OSMR: variants seen among roughly 807,000 people sequenced by gnomAD.
OSMR encodes oncostatin-M-specific receptor subunit beta.
OSMR carries 81 observed loss-of-function variants against 99.9 expected under a neutral mutation model. That is an observed-to-expected ratio of 0.81 (90% CI 0.68 to 0.97). The LOEUF (loss-of-function observed/expected upper bound fraction) is 0.97, where lower values mean the gene tolerates loss of function less well. Among genes scored for constraint, OSMR ranks in the 50% least tolerant of loss-of-function variants. The pLI, the probability that OSMR is intolerant of heterozygous loss-of-function variation, is 0.00. For missense variants in OSMR, 1,099 were observed against 1,153.4 expected, an observed-to-expected ratio of 0.95 and a Z score of 0.68; for synonymous variants, 406 against 410.4, an observed-to-expected ratio of 0.99 and a Z score of 0.13.
chr5:38,853,337 C>T (rs1740582385), intron 1 of OSMR, among the ~76,000 whole-genome samples: 2 of 152,126 alleles, frequency 1.3e-5, no homozygotes, highest in South Asian at 2.1e-4. Flanking sequence ...CCATTTAATC[C>T]TCATGCCAAT....
At chr5:38,866,088 C>T (rs1206984400) in intron 1 of OSMR, among the ~76,000 whole-genome samples, 1 of 152,178 alleles carries the variant, frequency 6.6e-6, no homozygotes, top group Non-Finnish European at 1.5e-5. Context: ...GAGGCCTGTC[C>T]TCAGGACTCC....
chr5:38,846,254 C>G lies in OSMR; in HGVS notation c.-147C>G, dbSNP rs574339421. 6.6e-6 allele frequency: 1 copy of G among 152,250 alleles called. No individual in the cohort carries two copies. The highest frequency in any genetic ancestry group is 2.4e-5 in the African/African-American group (1 of 41,460). The allele number at this position is 152,250 out of a possible 1,614,324, so 9.4% of individuals were successfully genotyped here. A position where few individuals can be genotyped will look rare whatever the true frequency, so the allele number is the denominator to read the frequency against. ...AATCCGACAACTTCGCAGCCCATCC[C>G]GGCTGGACGCGACCGGGAGTGCAGC... On this transcript the variant is annotated 5_prime_UTR_variant, in exon 1 of 18. Coordinates refer to ENST00000274276, the MANE Select transcript of OSMR (RefSeq NM_003999.3).
intron 1 of OSMR, among the ~76,000 whole-genome samples, chr5:38,943,655 A>G (rs1434467921): frequency 6.6e-6 from 1 of 152,130 alleles, no homozygotes; most frequent in Non-Finnish European, 1.5e-5. Context: ...TCTACTAAAA[A>G]TACAAAAATT....
chr5:38,874,672 T>C (rs186442994), intron 2 of OSMR, among the ~76,000 whole-genome samples: 1 of 152,306 alleles, frequency 6.6e-6, no homozygotes, highest in African/African-American at 2.4e-5. Flanking sequence ...TCTCAGACAT[T>C]CCATTCCGTG....
At chr5:38,864,075 A>C (rs1383840625) in intron 1 of OSMR, among the ~76,000 whole-genome samples, 1 of 152,152 alleles carries the variant, frequency 6.6e-6, no homozygotes, top group East Asian at 1.9e-4. Flanking sequence ...TGTAAGCAGC[A>C]TGTAGTTGGG....
In OSMR at chr5:38,935,435, G is replaced by A. The variant is rs976069931; in HGVS notation, c.*1991G>A. ...GTCTAACAGTTGTGTTAGACTTTAG[G>A]GCCAGTATTGTCAGCATTTATTTAT... On this transcript the variant is annotated 3_prime_UTR_variant, in exon 18 of 18. Coordinates refer to ENST00000274276, the MANE Select transcript of OSMR (RefSeq NM_003999.3). 2 of 151,960 alleles carry A rather than the reference G, an allele frequency of 1.3e-5. No homozygotes were observed. Among genetic ancestry groups the A allele is most frequent in the East Asian group, 1.9e-4 (1 of 5,186 alleles). 9.4% of individuals were successfully genotyped at this position (151,960 alleles called of 1,614,324 possible). A position where few individuals can be genotyped will look rare whatever the true frequency, so the allele number is the denominator to read the frequency against.
At chr5:38,891,545 G>T (rs1272134641) in intron 7 of OSMR, among the ~76,000 whole-genome samples, 1 of 152,204 alleles carries the variant, frequency 6.6e-6, no homozygotes, top group African/African-American at 2.4e-5. Context: ...GCCAGGGGAG[G>T]CTCCCTAATG....
rs113836169 is a variant in OSMR at position 38,879,700 on chromosome 5, T to C, written c.247-1893T>C. On this transcript the variant is annotated intron_variant, in intron 3 of 17. Transcript: ENST00000274276. ...GTGCAGTGGCGCAATCCCAGCTCAC[T>C]GCAACCTCCGTCTTCCGGGTTCTAG... Among the ~76,000 whole-genome samples the C allele has an allele frequency of 3.9e-4, 58 of 149,304 alleles. 1 individual carries two copies. The highest frequency in any genetic ancestry group is 1.4e-3 in the African/African-American group (58 of 40,388).
At chr5:38,936,980 A>G (rs1747076339), downstream of OSMR, among the ~76,000 whole-genome samples, 1 of 152,222 alleles carries the variant, frequency 6.6e-6, no homozygotes, top group South Asian at 2.1e-4. Flanking sequence ...CTACATTAGG[A>G]CTTTTTTAAA....
chr5:38,883,658 T>A lies in OSMR; in HGVS notation c.419-169T>A, dbSNP rs1170579402. ...ACAATAGGAGCAGTGGTGGAAAGGA[T>A]TGTCTTGCATGCACCAGAGGGTAGA... On this transcript the variant is annotated intron_variant, in intron 4 of 17. Coordinates refer to ENST00000274276, the MANE Select transcript of OSMR (RefSeq NM_003999.3). 3.1e-6 allele frequency: 3 copies of A among 980,482 alleles called. No homozygotes were observed. In the African/African-American group the frequency reaches 5.3e-5, roughly 17 times the overall value. The allele number at this position is 980,482 out of a possible 1,614,324, so 60.7% of individuals were successfully genotyped here.
At chr5:38,942,448 T>C (rs1747674020) in intron 1 of OSMR, 1 of 847,086 alleles carries the variant, frequency 1.2e-6, no homozygotes. Context: ...TATATAAATA[T>C]CTAATTTTTT....
intron 4 of OSMR, among the ~76,000 whole-genome samples, chr5:38,882,927 C>T (rs929176948): frequency 2.6e-5 from 4 of 152,288 alleles, no homozygotes; most frequent in Admixed American, 2.6e-4. Context: ...GGAACTCCAA[C>T]CCAGACAGTC....
chr5:38,896,865 G>A (rs2112490208), intron 7 of OSMR, among the ~76,000 whole-genome samples: 1 of 152,030 alleles, frequency 6.6e-6, no homozygotes, highest in South Asian at 2.1e-4. Flanking sequence ...TGAAAGGGAT[G>A]TTGAATTTCA....
intron 9 of OSMR, among the ~76,000 whole-genome samples, chr5:38,905,001 A>T (rs1010643732): frequency 6.6e-6 from 1 of 152,172 alleles, no homozygotes; most frequent in Non-Finnish European, 1.5e-5. Context: ...CTCAGTATTG[A>T]CTGCAAACTT....
At chr5:38,858,797 C>G (rs1741058595) in intron 1 of OSMR, among the ~76,000 whole-genome samples, 1 of 152,186 alleles carries the variant, frequency 6.6e-6, no homozygotes, top group African/African-American at 2.4e-5. Flanking sequence ...TGATACTAGC[C>G]ATTCTAACTG....
intron 15 of OSMR, among the ~76,000 whole-genome samples, chr5:38,927,298 G>A (rs944390646): frequency 1.3e-5 from 2 of 152,236 alleles, no homozygotes; most frequent in Non-Finnish European, 2.9e-5. Context: ...CTCTGTGGGG[G>A]CTCCAGCCCC....
At chr5:38,932,741 G>A in intron 17 of OSMR, 131 bp from the exon 18 acceptor site, 1 of 1,528,862 alleles carries the variant, frequency 6.5e-7, no homozygotes, top group Admixed American at 2.1e-5. Flanking sequence ...ATCACCTCCA[G>A]GTTACTTGTG....
At chr5:38,931,703 T>C (rs1308139506) in intron 15 of OSMR, 180 bp from the exon 16 acceptor site, 8 of 885,690 alleles carry the variant, frequency 9.0e-6, no homozygotes, top group South Asian at 5.2e-5. Flanking sequence ...CCTGTGTTGG[T>C]TGGCTAGTTG....
rs547439502 is a variant in OSMR at position 38,854,899 on chromosome 5, A to T, written c.-14+8512A>T. On this transcript the variant is annotated intron_variant, in intron 1 of 17. Coordinates refer to ENST00000274276, the MANE Select transcript of OSMR (RefSeq NM_003999.3). ...CCCTTTCTAAATTCTGCTGCTTCAC[A>T]CTTCCCTGACTTCCTTTTCTCACTG... Among the ~76,000 whole-genome samples, 54 of 139,142 alleles carry T rather than the reference A, an allele frequency of 3.9e-4. No individual in the cohort carries two copies. The South Asian group carries it at 0.014, about 35-fold the overall frequency. 91.3% of individuals were successfully genotyped at this position (139,142 alleles called of 152,430 possible). A position where few individuals can be genotyped will look rare whatever the true frequency, so the allele number is the denominator to read the frequency against.
Sources: gnomAD v4.1 joint callset for allele counts (sites outside exome capture counted in the v4.1 genomes callset) on GRCh38, gnomAD v4.1.1 for gene constraint, MANE v1.5 for transcripts, NCBI Gene and HGNC (gene_info 2026-07-23, HGNC 2026-07-21) for gene names.